Variants in TFEC observed in about 807,000 individuals in gnomAD.
TFEC encodes the protein transcription factor EC.
A neutral mutation model predicts 41.6 loss-of-function variants in TFEC; 31 were observed. The ratio of observed to expected loss-of-function variants is 0.74; its 90% CI spans 0.56 to 1.01. The LOEUF (loss-of-function observed/expected upper bound fraction) is 1.01. Ranked by LOEUF, TFEC falls within the 50% of genes least tolerant of loss-of-function variation. The pLI, the probability that TFEC is intolerant of heterozygous loss-of-function variation, is 0.00. For synonymous variants in TFEC, 143 were observed against 140.6 expected (o/e 1.02, Z -0.12); for missense variants, 402 against 404.1 (o/e 0.99, Z 0.04).
chr7:115,980,455 T>C (rs1170754725), intron 2 of TFEC, among the ~76,000 whole-genome samples: 1 of 152,030 alleles, frequency 6.6e-6, no homozygotes. Context: ...GTTTTAAAAA[T>C]GGAGATAATA....
intron 1 of TFEC, among the ~76,000 whole-genome samples, chr7:116,001,079 AC>A (rs570568830): frequency 1.9e-3 from 284 of 152,320 alleles, no homozygotes; most frequent in African/African-American, 6.4e-3. Context: ...AGCTATAGTA[AC>A]AAAAACAGCA....
At chr7:116,104,665 TA>T (rs1797676280) in intron 3 of TFEC, among the ~76,000 whole-genome samples, 1 of 152,080 alleles carries the variant, frequency 6.6e-6, no homozygotes, top group East Asian at 1.9e-4. Context: ...CTATCCCTTT[TA>T]AACTCCCTCT....
At chr7:116,092,958 T>A (rs1797363857) in intron 3 of TFEC, among the ~76,000 whole-genome samples, 2 of 152,092 alleles carry the variant, frequency 1.3e-5, no homozygotes, top group Admixed American at 1.3e-4. Flanking sequence ...AAGGCCCCAA[T>A]AAGTGCCCTT....
chr7:115,942,771 CAGG>C (rs1483144563), intron 6 of TFEC, among the ~76,000 whole-genome samples: 2 of 151,786 alleles, frequency 1.3e-5, no homozygotes, highest in African/African-American at 4.8e-5. Context: ...ACTTTTAAGA[CAGG>C]AGAAATTAAA....
intron 1 of TFEC, among the ~76,000 whole-genome samples, chr7:115,994,681 A>G (rs1234902939): frequency 6.6e-6 from 1 of 152,224 alleles, no homozygotes; most frequent in Non-Finnish European, 1.5e-5. Flanking sequence ...GCAATCATTT[A>G]AAAAGTCAGG....
intron 3 of TFEC, among the ~76,000 whole-genome samples, chr7:116,075,599 C>T (rs1796940064): frequency 6.6e-6 from 1 of 152,064 alleles, no homozygotes; most frequent in East Asian, 1.9e-4. Context: ...CGGGATGAGG[C>T]CTGTGGCTGC....
intron 1 of TFEC, among the ~76,000 whole-genome samples, chr7:116,153,368 C>T (rs1430906848): frequency 6.6e-6 from 1 of 152,176 alleles, no homozygotes; most frequent in African/African-American, 2.4e-5. Flanking sequence ...ATTCTCCTGC[C>T]TCCGCTTCCT....
chr7:116,149,627 A>G (rs960882846), intron 1 of TFEC, among the ~76,000 whole-genome samples: 1 of 152,204 alleles, frequency 6.6e-6, no homozygotes, highest in Non-Finnish European at 1.5e-5. Flanking sequence ...GTAAGTACAC[A>G]GTGGAGAAAA....
chr7:116,072,509 T>A (rs1026271687), intron 3 of TFEC, among the ~76,000 whole-genome samples: 3 of 151,670 alleles, frequency 2.0e-5, no homozygotes, highest in African/African-American at 7.2e-5. Flanking sequence ...GATATTTATA[T>A]CAGAACAGGA....
chr7:116,077,528 G>A (rs1217156393), intron 3 of TFEC, among the ~76,000 whole-genome samples: 2 of 151,982 alleles, frequency 1.3e-5, no homozygotes, highest in South Asian at 2.1e-4. Context: ...TTCTTCAGGA[G>A]ACACACCTAA....
At chr7:115,975,538 T>C (rs973091547) in intron 2 of TFEC, among the ~76,000 whole-genome samples, 1 of 152,152 alleles carries the variant, frequency 6.6e-6, no homozygotes, top group African/African-American at 2.4e-5. Flanking sequence ...TTAACAAATA[T>C]TAATTAAGCA....
intron 1 of TFEC, among the ~76,000 whole-genome samples, chr7:116,018,430 C>T (rs558622588): frequency 6.6e-6 from 1 of 152,136 alleles, no homozygotes; most frequent in South Asian, 2.1e-4. Flanking sequence ...GAAGCTTTAC[C>T]AACTTTATAT....
Position 115,936,741 on chromosome 7 carries a change from GA to G in TFEC, c.*3809del, listed in dbSNP as rs1793244233. The G allele has an allele frequency of 6.6e-6, 1 of 151,212 alleles. No homozygotes were observed. The highest frequency in any genetic ancestry group is 2.4e-5 in the African/African-American group (1 of 41,280). 9.4% of individuals were successfully genotyped at this position (151,212 alleles called of 1,614,324 possible). A position where few individuals can be genotyped will look rare whatever the true frequency, so the allele number is the denominator to read the frequency against. On this transcript the variant is annotated 3_prime_UTR_variant, in exon 8 of 8. Coordinates refer to ENST00000265440, the MANE Select transcript of TFEC (RefSeq NM_012252.4). ...ATGGTAAATGAGCACACCAAATCAA[GA>G]CATTCTTTGTATCTGTTTTTTTAAG...
intron 2 of TFEC, among the ~76,000 whole-genome samples, chr7:115,981,301 T>C (rs1287638318): frequency 1.3e-5 from 2 of 152,134 alleles, no homozygotes; most frequent in Non-Finnish European, 2.9e-5. Flanking sequence ...AACTCAAGTA[T>C]TACCACTTCC....
chr7:116,022,378 A>G (rs1795429589), intron 1 of TFEC, among the ~76,000 whole-genome samples: 1 of 152,224 alleles, frequency 6.6e-6, no homozygotes, highest in South Asian at 2.1e-4. Flanking sequence ...ATGCATGTTA[A>G]AAAGCATTGT....
chr7:116,126,799 T>C (rs757510245), intron 1 of TFEC, among the ~76,000 whole-genome samples: 3 of 151,594 alleles, frequency 2.0e-5, no homozygotes, highest in Admixed American at 6.6e-5. Context: ...ATTGAAAAAA[T>C]AAAAACTATT....
At chr7:116,103,592 G>A (rs1209889728) in intron 3 of TFEC, among the ~76,000 whole-genome samples, 1 of 152,090 alleles carries the variant, frequency 6.6e-6, no homozygotes, top group Non-Finnish European at 1.5e-5. Flanking sequence ...ATGTGGAATA[G>A]AAATTATACT....
At chr7:115,944,013 A>ATTTTTTTTTTTTTTGTTTTTTTT (rs1793651127) in intron 6 of TFEC, among the ~76,000 whole-genome samples, 1 of 22,830 alleles carries the variant, frequency 4.4e-5, no homozygotes. Context: ...ACAGGTCTGA[A>ATTTTTTTTTTTTTTGTTTTTTTT]TTTTTTTTTT....
chr7:116,137,951 A>G (rs776195198), intron 1 of TFEC, among the ~76,000 whole-genome samples: 123 of 152,202 alleles, frequency 8.1e-4, no homozygotes, highest in Admixed American at 2.2e-3. Context: ...AATGAAAATA[A>G]TCAAGAATTC....
Sources: allele counts gnomAD v4.1 joint callset (sites outside exome capture counted in the v4.1 genomes callset), GRCh38; gene constraint gnomAD v4.1.1; transcripts MANE v1.5; gene names NCBI Gene and HGNC (gene_info 2026-07-23, HGNC 2026-07-21).